The following CFAP74 variants were observed in gnomAD, a reference collection of about 807,000 sequenced individuals.
The protein encoded by CFAP74 is cilia and flagella associated protein 74.
CFAP74 carries 124 observed loss-of-function variants against 188.9 expected under a neutral mutation model. That is an observed-to-expected ratio of 0.66 (90% confidence interval 0.57 to 0.76). The LOEUF is 0.76. Ranked by LOEUF, CFAP74 falls within the 30% of genes least tolerant of loss-of-function variation. The pLI is 0.00. For synonymous variants in CFAP74, 956 were observed against 916.7 expected (o/e 1.04, Z -0.77); for missense variants, 2,198 against 2,165.2 (o/e 1.02, Z -0.30).
rs61734006 is a variant in CFAP74 at position 1,964,940 on chromosome 1, C to T, written c.1523G>A (p.Arg508His). ...RVVHKQVVWG[R>H]EFQGRPFNSK... ...GTTGAAGGGGCGTCCTTGGAACTCA[C>T]GCCCCCACACCACCTGCTTGTGGAC... is the stretch of plus-strand genomic sequence containing the variant. The change falls in exon 13 of 39, where the codon CGT becomes CAT. Residue 508 changes from arginine (R) to histidine (H), a missense_variant. Arg to His is a conservative substitution (Grantham distance 29). Transcript: ENST00000682832. The T allele has an allele frequency of 1.6e-3, 2,547 of 1,613,916 alleles. 41 individuals carry two copies. In the African/African-American group the frequency reaches 0.03, roughly 19 times the overall value.
At position 1,942,495 on chromosome 1, in the gene CFAP74, G is replaced by T. The variant is rs1335944104; in HGVS notation, c.2487-339C>A. On this transcript the variant is annotated intron_variant, in intron 21 of 38. Transcript: ENST00000682832. The surrounding 1 kb of genome is among the most constrained non-coding windows in gnomAD (Gnocchi z 4.3). The stretch of plus-strand genomic sequence containing the variant: ...GTGCGGGGCCCTGGAGGGGACATGA[G>T]GGGTGGAACCCCTCCCTCCAGGGCT... Among the ~76,000 whole-genome samples, 3 of 152,098 alleles carry T rather than the reference G, an allele frequency of 2.0e-5. No individual in the cohort carries two copies. Among genetic ancestry groups the T allele is most frequent in the Non-Finnish European group, 4.4e-5 (3 of 67,980 alleles).
In CFAP74 at chr1:1,926,283, C is replaced by T. The variant is rs751166278; in HGVS notation, c.3893G>A (p.Arg1298His). ...CACCAGGACCTGGGTCCCACCTGCA[C>T]GCAGCAGGCTGGAGTGGTTCAGCAG... is the stretch of plus-strand genomic sequence containing the variant. ...FVLLNHSSLL[R>H]AGGTQVLVLS... The change falls in exon 32 of 39, where the codon CGT becomes CAT. Residue 1298 changes from arginine to histidine, a missense_variant. Transcript: ENST00000682832. 1.9e-5 allele frequency: 30 copies of T among 1,543,200 alleles called. No homozygotes were observed. Among genetic ancestry groups the T allele is most frequent in the South Asian group, 6.0e-5 (5 of 83,072 alleles).
chr1:1,966,863 G>A (rs1463338667), intron 11 of CFAP74, among the ~76,000 whole-genome samples: 6 of 146,300 alleles, frequency 4.1e-5, no homozygotes, highest in African/African-American at 1.6e-4. Flanking sequence ...TTGAGACGCA[G>A]TCTTGCACTG....
At chr1:1,964,749 C>T (rs985747815) in intron 13 of CFAP74, 139 bp downstream of exon 13, 26 of 843,406 alleles carry the variant, frequency 3.1e-5, no homozygotes, top group Non-Finnish European at 4.2e-5. Context: ...GAGATTATGC[C>T]GTTGCACTCC....
At position 1,923,972 on chromosome 1, in the gene CFAP74, A is replaced by G. The variant is rs377400972; in HGVS notation, c.4235-43T>C. 1.5e-5 allele frequency: 23 copies of G among 1,573,338 alleles called. No homozygotes were observed. The highest frequency in any genetic ancestry group is 3.4e-4 in the Middle Eastern group (2 of 5,810). ...TGCAGTTTGGCCTTCTCCACCTGCAATCACTGTCTGCCCTCCAAGCCTTGC... is the reference window on the plus strand; with the variant it reads ...TGCAGTTTGGCCTTCTCCACCTGCAGTCACTGTCTGCCCTCCAAGCCTTGC... On this transcript the variant is annotated intron_variant, in intron 34 of 38. Transcript: ENST00000682832. The surrounding 1 kb of genome is among the most constrained non-coding windows in gnomAD (Gnocchi z 6.3).
In CFAP74 at chr1:1,938,948, A is replaced by G. The variant is rs926300843; in HGVS notation, c.2918T>C (p.Leu973Pro). The G allele has an allele frequency of 2.0e-6, 3 of 1,536,062 alleles. No individual in the cohort carries two copies. The highest frequency in any genetic ancestry group is 2.6e-6 in the Non-Finnish European group (3 of 1,146,922). Reference sequence around the variant, plus strand: ...ACAGAACTGCAGCGTTTCCAGGGGCAGGATCGTCCCAAACCCATCGTTGGG... The same window carrying G: ...ACAGAACTGCAGCGTTTCCAGGGGCGGGATCGTCCCAAACCCATCGTTGGG... ...VQPNDGFGTI[L>P]PLETLQFCVI... is the part of the protein sequence containing the mutation. Residue 973 changes from leucine to proline, a missense_variant, in exon 25 of 39, where the codon CTG (leucine) becomes CCG (proline). Leu to Pro is a moderately conservative substitution (Grantham distance 98). Coordinates refer to ENST00000682832, the MANE Select transcript of CFAP74 (RefSeq NM_001304360.2).
chr1:1,941,681 T>C (rs1249393473), intron 22 of CFAP74, among the ~76,000 whole-genome samples: 1 of 152,128 alleles, frequency 6.6e-6, no homozygotes, highest in Non-Finnish European at 1.5e-5. Context: ...CTGGGCCACC[T>C]TATCCCGGCA....
chr1:1,947,306 G>C (rs1653840285), intron 18 of CFAP74, among the ~76,000 whole-genome samples: 1 of 152,268 alleles, frequency 6.6e-6, no homozygotes, highest in Admixed American at 6.5e-5. Flanking sequence ...TGTTGGCCCA[G>C]GGCGAGGGTA....
At chr1:1,990,497 A>G (rs1657505848) in intron 2 of CFAP74, among the ~76,000 whole-genome samples, 1 of 152,110 alleles carries the variant, frequency 6.6e-6, no homozygotes, top group African/African-American at 2.4e-5. Context: ...ATGCGTTCCC[A>G]GATTGCGATG....
At chr1:1,943,561 C>T (rs1299500475) in intron 21 of CFAP74, among the ~76,000 whole-genome samples, 12 of 152,358 alleles carry the variant, frequency 7.9e-5, no homozygotes, top group South Asian at 4.1e-4. Context: ...CGTCCCTCTG[C>T]GCTTTCCCAC....
intron 23 of CFAP74, among the ~76,000 whole-genome samples, chr1:1,939,979 G>A (rs1215487599): frequency 2.0e-5 from 3 of 152,224 alleles, no homozygotes; most frequent in South Asian, 2.1e-4. Context: ...CTGAGAGCCT[G>A]CTGCAGGTGG....
At chr1:1,982,818 T>C (rs1017578846) in intron 6 of CFAP74, among the ~76,000 whole-genome samples, 5 of 152,186 alleles carry the variant, frequency 3.3e-5, no homozygotes, top group Non-Finnish European at 7.3e-5. Flanking sequence ...GGGGGTGAAA[T>C]AGACCTGTGG....
intron 1 of CFAP74, among the ~76,000 whole-genome samples, chr1:2,002,154 T>C (rs1557431423): frequency 6.6e-6 from 1 of 151,848 alleles, no homozygotes; most frequent in East Asian, 1.9e-4. Flanking sequence ...TCTACAAGGG[T>C]GGGGGGCGAC....
At chr1:1,981,259 C>T (rs1420303220) in intron 6 of CFAP74, among the ~76,000 whole-genome samples, 18 of 152,194 alleles carry the variant, frequency 1.2e-4, no homozygotes, top group African/African-American at 2.7e-4. Context: ...CCCCTGTGCC[C>T]GCAGTGCCCA....
At chr1:1,976,320 G>A (rs957938106) in intron 6 of CFAP74, among the ~76,000 whole-genome samples, 4 of 152,200 alleles carry the variant, frequency 2.6e-5, no homozygotes, top group African/African-American at 4.8e-5. Flanking sequence ...ATGAACGGGT[G>A]GGCCGTCTCC....
At position 1,944,450 on chromosome 1, in the gene CFAP74, C is replaced by T; in HGVS notation, c.2367G>A (p.Leu789=). The part of the protein sequence containing the change: ...VTFKNPQCPT[L]HFRVVGVAID... ...TGGCCACGCCCACGACCCTGAAATG[C>T]AGCTGCATATGGACACAGGAGCTCA... Residue 789 remains leucine, a splice_region_variant and synonymous_variant, in exon 21 of 39, where the codon CTG becomes CTA. Coordinates refer to ENST00000682832, the MANE Select transcript of CFAP74 (RefSeq NM_001304360.2). The T allele has an allele frequency of 6.5e-7, 1 of 1,536,028 alleles. No homozygotes were observed. Among genetic ancestry groups the T allele is most frequent in the Non-Finnish European group, 8.7e-7 (1 of 1,146,856 alleles).
At chr1:1,938,808 A>C in intron 25 of CFAP74, 47 bp downstream of exon 25, 2 of 1,524,822 alleles carry the variant, frequency 1.3e-6, no homozygotes, top group Non-Finnish European at 1.8e-6. Flanking sequence ...GCCCCTCCTG[A>C]GCGGGCACTC....
chr1:1,934,737 G>C (rs1180981377), intron 25 of CFAP74, among the ~76,000 whole-genome samples: 4 of 138,558 alleles, frequency 2.9e-5, no homozygotes, highest in Non-Finnish European at 6.2e-5. Flanking sequence ...GTACACACGT[G>C]TGTACGTGGG....
chr1:1,990,764 G>A lies in CFAP74; in HGVS notation c.67+126C>T, dbSNP rs1203578397. 3 of 625,328 alleles carry A rather than the reference G, an allele frequency of 4.8e-6. No individual in the cohort carries two copies. The Admixed American group carries it at 1.1e-4, about 22-fold the overall frequency. The allele number at this position is 625,328 out of a possible 1,614,324, so 38.7% of individuals were successfully genotyped here. A position where few individuals can be genotyped will look rare whatever the true frequency, so the allele number is the denominator to read the frequency against. On this transcript the variant is annotated intron_variant, in intron 2 of 38. Transcript: ENST00000682832. The stretch of plus-strand genomic sequence containing the variant: ...ACAATAATATAAGCTCCCTCTTTGA[G>A]AGAAAAATATGAGTGTAAAAGATAC...
Sources: allele counts gnomAD v4.1 joint callset (sites outside exome capture counted in the v4.1 genomes callset), GRCh38; gene constraint gnomAD v4.1.1; non-coding constraint Gnocchi (gnomAD v3.1); transcripts MANE v1.5; gene names NCBI Gene and HGNC (gene_info 2026-07-23, HGNC 2026-07-21).